The following NKD2 variants were observed in gnomAD, a reference collection of about 807,000 sequenced individuals.
The protein encoded by NKD2 is NKD inhibitor of Wnt signaling pathway 2, also known as protein naked cuticle homolog 2.
NKD2 carries 43 observed loss-of-function variants against 34.8 expected under a neutral mutation model. The observed-to-expected ratio is 1.24, with a 90% CI of 0.97 to 1.60. NKD2 has a LOEUF of 1.60. Among genes scored for constraint, NKD2 ranks in the 40% most tolerant of loss-of-function variants. The pLI, the probability that NKD2 is intolerant of heterozygous loss-of-function variation, is 0.00. For synonymous variants in NKD2, 278 were observed against 265.1 expected (o/e 1.05, Z -0.47); for missense variants, 675 against 627.1 (o/e 1.08, Z -0.82).
chr5:1,033,545 C>G, intron 5 of NKD2, 46 bp downstream of exon 5: 1 of 1,519,268 alleles, frequency 6.6e-7, no homozygotes, highest in Non-Finnish European at 8.9e-7. Flanking sequence ...TCCCTGGGGC[C>G]GGGGGCTCAG....
Position 1,009,131 on chromosome 5 carries a change from C to A in NKD2, c.26-48C>A. 3.9e-6 allele frequency: 2 copies of A among 510,586 alleles called. No homozygotes were observed. The highest frequency in any genetic ancestry group is 3.5e-6 in the Non-Finnish European group (1 of 288,502). 31.6% of individuals were successfully genotyped at this position (510,586 alleles called of 1,614,324 possible). Reference sequence around the variant, plus strand: ...GGAGGGCGGGCGGGCGGGCGTGGGGCCGCCTCTCACTGTCGTTTTCCTCTC... The same window carrying A: ...GGAGGGCGGGCGGGCGGGCGTGGGGACGCCTCTCACTGTCGTTTTCCTCTC... On this transcript the variant is annotated intron_variant, in intron 1 of 9. Transcript: ENST00000296849. This position sits in a 1 kb window ranked among gnomAD's most constrained non-coding sequence, Gnocchi z 6.9.
At chr5:1,017,338 G>A (rs12513659) in intron 3 of NKD2, among the ~76,000 whole-genome samples, 17,748 of 152,306 alleles carry the variant, frequency 0.12, 1,174 homozygotes, top group African/African-American at 0.17. Flanking sequence ...TGCCAGGCCA[G>A]TGGCCAGGTC....
chr5:1,021,392 C>CACCCACT (rs1560988057), intron 3 of NKD2, among the ~76,000 whole-genome samples: 1 of 114,240 alleles, frequency 8.8e-6, no homozygotes, highest in African/African-American at 3.5e-5. Flanking sequence ...ACCCACCCAC[C>CACCCACT]CGTCCCAACC....
chr5:1,016,743 C>T (rs943946749), intron 3 of NKD2, among the ~76,000 whole-genome samples: 13 of 152,326 alleles, frequency 8.5e-5, no homozygotes, highest in African/African-American at 2.4e-4. Flanking sequence ...ACTTCCAGGA[C>T]GAGGCCTCTC....
intron 3 of NKD2, among the ~76,000 whole-genome samples, chr5:1,020,424 C>T (rs900216886): frequency 1.3e-5 from 2 of 152,104 alleles, no homozygotes; most frequent in Non-Finnish European, 2.9e-5. Flanking sequence ...TGCTCTCCAC[C>T]CCCACCCCCT....
At chr5:1,025,947 G>T (rs796589583) in intron 3 of NKD2, among the ~76,000 whole-genome samples, 12 of 65,576 alleles carry the variant, frequency 1.8e-4, no homozygotes, top group African/African-American at 3.3e-4. Flanking sequence ...CTTCCCACCC[G>T]CTGTGGGCGT....
At chr5:1,026,948 C>T (rs905884887) in intron 3 of NKD2, among the ~76,000 whole-genome samples, 2 of 152,258 alleles carry the variant, frequency 1.3e-5, no homozygotes, top group Non-Finnish European at 2.9e-5. Context: ...CTCGATGCCA[C>T]GACAGCCCCG....
rs1176495735 is a variant in NKD2 at position 1,037,876 on chromosome 5, C to T, written c.859C>T (p.Gln287Ter). 2.5e-6 allele frequency: 4 copies of T among 1,604,438 alleles called. No homozygotes were observed. Among genetic ancestry groups the T allele is most frequent in the Non-Finnish European group, 3.4e-6 (4 of 1,178,858 alleles). Residue 287 changes from glutamine (Q) to a stop codon, truncating the protein, a stop_gained, in exon 10 of 10, where the codon CAG becomes TAG. Transcript: ENST00000296849. LOFTEE classifies it low-confidence loss of function (END_TRUNC). ...GCACCTCCAGGCCCGGTCCCGCTCC[C>T]AGGAGCCAGATACACATGCCGTACA... is the stretch of plus-strand genomic sequence containing the variant. ...ASHLQARSRS[Q>*]EPDTHAVHHR...
At chr5:1,027,220 AC>A (rs1756455148) in intron 3 of NKD2, among the ~76,000 whole-genome samples, 1 of 152,180 alleles carries the variant, frequency 6.6e-6, no homozygotes, top group Non-Finnish European at 1.5e-5. Context: ...CGTCCCCACC[AC>A]AGTGCAAGGT....
At chr5:1,014,035 C>T (rs1755854361) in intron 3 of NKD2, among the ~76,000 whole-genome samples, 1 of 152,238 alleles carries the variant, frequency 6.6e-6, no homozygotes. Flanking sequence ...TCCAAAACAG[C>T]TTCCTGAAGC....
At chr5:1,034,639 T>G in intron 6 of NKD2, 117 bp from the exon 7 acceptor site, 2 of 1,111,192 alleles carry the variant, frequency 1.8e-6, no homozygotes, top group Non-Finnish European at 2.6e-6. Context: ...CTGTGGTCTG[T>G]TGGTGGATGC....
chr5:1,037,636 G>T (rs1267829009), intron 9 of NKD2, 169 bp from the exon 10 acceptor site: 31 of 1,535,988 alleles, frequency 2.0e-5, no homozygotes, highest in Non-Finnish European at 2.7e-5. Flanking sequence ...ACAGTGGCCA[G>T]GCCCCTTCCC....
rs769021504 is a variant in NKD2 at position 1,033,428 on chromosome 5, G to A, written c.259G>A (p.Ala87Thr). ...CGAGCACCCGGGACAACTCCTCAGCGCAGATGACGGAGAGAGGGCAGCAAA... is the reference window on the plus strand; with the variant it reads ...CGAGCACCCGGGACAACTCCTCAGCACAGATGACGGAGAGAGGGCAGCAAA... ...GREHPGQLLS[A>T]DDGERAANRE... The change falls in exon 5 of 10, where the codon GCA (alanine) becomes ACA (threonine). Residue 87 changes from alanine (A) to threonine (T), a missense_variant. Coordinates refer to ENST00000296849, the MANE Select transcript of NKD2 (RefSeq NM_033120.4). The A allele has an allele frequency of 1.5e-5, 23 of 1,585,166 alleles. No homozygotes were observed. Among genetic ancestry groups the A allele is most frequent in the South Asian group, 4.6e-5 (4 of 86,824 alleles).
rs1190862388 is a variant in NKD2, at chr5:1,008,968, G to C, written c.-90G>C. 2 of 413,524 alleles carry C rather than the reference G, an allele frequency of 4.8e-6. No homozygotes were observed. Among genetic ancestry groups the C allele is most frequent in the Non-Finnish European group, 8.5e-6 (2 of 236,300 alleles). 25.6% of individuals were successfully genotyped at this position (413,524 alleles called of 1,614,324 possible). A position where few individuals can be genotyped will look rare whatever the true frequency, so the allele number is the denominator to read the frequency against. The stretch of plus-strand genomic sequence containing the variant: ...CCTACCGGCACCCTAGCTTGCTCCC[G>C]GCCCATGCGGCCCCCGCGGGCTCCC... On this transcript the variant is annotated 5_prime_UTR_variant, in exon 1 of 10. Transcript: ENST00000296849.
intron 3 of NKD2, among the ~76,000 whole-genome samples, chr5:1,028,427 T>C (rs897181080): frequency 6.6e-6 from 1 of 152,128 alleles, no homozygotes; most frequent in African/African-American, 2.4e-5. Flanking sequence ...TCTGAGGTGA[T>C]GCTGAGTGAG....
chr5:1,037,397 G>A (rs977777516), intron 9 of NKD2: 30 of 882,874 alleles, frequency 3.4e-5, no homozygotes, highest in Middle Eastern at 2.2e-4. Context: ...CGCACTGCAC[G>A]TTGTGAAGGT....
intron 3 of NKD2, among the ~76,000 whole-genome samples, 186 bp from the exon 4 acceptor site, chr5:1,031,966 T>C (rs1756660831): frequency 6.6e-6 from 1 of 152,168 alleles, no homozygotes; most frequent in South Asian, 2.1e-4. Flanking sequence ...GTCTGTGTGT[T>C]TTGCTTCCTA....
chr5:1,033,735 C>A (rs868557334), intron 5 of NKD2, among the ~76,000 whole-genome samples: 9 of 152,236 alleles, frequency 5.9e-5, no homozygotes, highest in Admixed American at 1.3e-4. Context: ...ACTGGTCTGG[C>A]ATCAAATAAC....
intron 3 of NKD2, among the ~76,000 whole-genome samples, chr5:1,014,125 T>G (rs56406428): frequency 0.041 from 6,297 of 152,302 alleles, 188 homozygotes; most frequent in Non-Finnish European, 0.064. Context: ...CTGCACCCTG[T>G]TCTCCTCAGT....
Sources: allele counts gnomAD v4.1 joint callset (sites outside exome capture counted in the v4.1 genomes callset), GRCh38; gene constraint gnomAD v4.1.1; non-coding constraint Gnocchi (gnomAD v3.1); transcripts MANE v1.5; gene names NCBI Gene and HGNC (gene_info 2026-07-23, HGNC 2026-07-21).